CSMD1: variants seen among roughly 807,000 people sequenced by gnomAD.
The protein encoded by CSMD1 is CUB and sushi domain-containing protein 1.
In CSMD1, 213 loss-of-function variants were observed where a neutral mutation model predicts 417.5. The ratio of observed to expected loss-of-function variants is 0.51; its 90% CI spans 0.46 to 0.57. The LOEUF is 0.57. CSMD1 is among the 20% of genes least tolerant of loss of function. CSMD1 has a pLI of 0.00. For missense variants in CSMD1, 6,923 were observed against 4,529.7 expected, an observed-to-expected ratio of 1.53 and a Z score of -15.17; for synonymous variants, 2,862 against 1,736.8, an observed-to-expected ratio of 1.65 and a Z score of -16.11.
chr8:3,577,802 T>G (rs1800214284), intron 9 of CSMD1, among the ~76,000 whole-genome samples: 1 of 152,184 alleles, frequency 6.6e-6, no homozygotes, highest in African/African-American at 2.4e-5. Context: ...CGCCCCCTAT[T>G]TGGCTCGTTA....
At chr8:3,075,249 G>A (rs1031997521) in intron 49 of CSMD1, among the ~76,000 whole-genome samples, 1 of 148,322 alleles carries the variant, frequency 6.7e-6, no homozygotes, top group South Asian at 2.1e-4. Flanking sequence ...CCCAGCCTCA[G>A]GTATTTCTTT....
chr8:4,161,455 T>G (rs916939293), intron 3 of CSMD1, among the ~76,000 whole-genome samples: 1 of 152,220 alleles, frequency 6.6e-6, no homozygotes, highest in Non-Finnish European at 1.5e-5. Context: ...CTGGAATAAG[T>G]TGAATGGCTT....
At chr8:4,965,238 T>G (rs1480407736) in intron 1 of CSMD1, among the ~76,000 whole-genome samples, 3 of 152,208 alleles carry the variant, frequency 2.0e-5, no homozygotes, top group Admixed American at 6.5e-5. Flanking sequence ...TTTCAGATTT[T>G]AAAAATGTTC....
chr8:2,960,847 C>G (rs530481954), intron 62 of CSMD1, among the ~76,000 whole-genome samples: 242 of 150,514 alleles, frequency 1.6e-3, no homozygotes, highest in Non-Finnish European at 3.1e-3. Context: ...ATAATAGAAT[C>G]ATGCATGATT....
rs570950767 is a variant in CSMD1 at position 3,222,709 on chromosome 8, T to A, written c.4484+1020A>T. ...AACATTAACAAAACCCACATAGATA[T>A]CTAAAAAATATAGCCAGTGAGTGTT... On this transcript the variant is annotated intron_variant, in intron 28 of 69. Transcript: ENST00000635120. Among the ~76,000 whole-genome samples, 8 of 152,240 alleles carry A rather than the reference T, an allele frequency of 5.3e-5. No homozygotes were observed. The South Asian group carries it at 1.7e-3, about 32-fold the overall frequency.
At chr8:4,175,249 G>A (rs1046613275) in intron 3 of CSMD1, among the ~76,000 whole-genome samples, 2 of 152,104 alleles carry the variant, frequency 1.3e-5, no homozygotes, top group African/African-American at 4.8e-5. Context: ...CCAATTAAAT[G>A]AAACCATTTA....
chr8:4,718,542 G>A (rs1379655440), intron 1 of CSMD1, among the ~76,000 whole-genome samples: 2 of 151,796 alleles, frequency 1.3e-5, no homozygotes, highest in Non-Finnish European at 2.9e-5. Context: ...CTAGCTAAGG[G>A]AATTTGAAAA....
chr8:4,705,751 T>C (rs537004392), intron 1 of CSMD1, among the ~76,000 whole-genome samples: 79 of 152,288 alleles, frequency 5.2e-4, no homozygotes, highest in African/African-American at 1.3e-3. Flanking sequence ...CTAACTAATA[T>C]TTTAAAATAT....
intron 3 of CSMD1, among the ~76,000 whole-genome samples, chr8:4,410,171 G>C (rs1317569988): frequency 1.3e-5 from 2 of 152,130 alleles, no homozygotes; most frequent in Non-Finnish European, 2.9e-5. Flanking sequence ...AATGGAAGGA[G>C]AAATTAAAAG....
chr8:4,086,764 A>G (rs1368042995), intron 3 of CSMD1, among the ~76,000 whole-genome samples: 1 of 152,222 alleles, frequency 6.6e-6, no homozygotes, highest in African/African-American at 2.4e-5. Flanking sequence ...TAATTCTTAC[A>G]TCTTTTTCAA....
intron 5 of CSMD1, among the ~76,000 whole-genome samples, chr8:3,847,425 G>A (rs10100367): frequency 0.023 from 3,492 of 152,174 alleles, 135 homozygotes; most frequent in African/African-American, 0.08. Flanking sequence ...ACAGTTGGCT[G>A]CGAGCAGTGG....
chr8:3,992,449 C>T (rs1435903191), intron 5 of CSMD1, among the ~76,000 whole-genome samples: 2 of 152,226 alleles, frequency 1.3e-5, no homozygotes, highest in East Asian at 3.9e-4. Context: ...GCATAGCTTA[C>T]AACAGGTTTG....
chr8:3,103,991 C>T (rs556190319), intron 46 of CSMD1, among the ~76,000 whole-genome samples: 34 of 152,218 alleles, frequency 2.2e-4, no homozygotes, highest in African/African-American at 8.2e-4. Context: ...GATCTGCCCA[C>T]CTCGGCCTCC....
chr8:2,964,307 C>T (rs1216429303), intron 59 of CSMD1, among the ~76,000 whole-genome samples: 1 of 152,198 alleles, frequency 6.6e-6, no homozygotes, highest in Non-Finnish European at 1.5e-5. Context: ...CTTCCCTCAC[C>T]ACTCCACCTT....
At chr8:3,948,035 G>T (rs756744961) in intron 5 of CSMD1, among the ~76,000 whole-genome samples, 1 of 152,156 alleles carries the variant, frequency 6.6e-6, no homozygotes, top group Non-Finnish European at 1.5e-5. Flanking sequence ...GTAAAACCCC[G>T]TCTCTACTAA....
intron 3 of CSMD1, among the ~76,000 whole-genome samples, chr8:4,088,869 G>T (rs527462246): frequency 8.8e-4 from 134 of 152,178 alleles, no homozygotes; most frequent in African/African-American, 2.9e-3. Flanking sequence ...TGACACCGCT[G>T]TGTTCCACCC....
At chr8:3,972,677 G>A (rs958744150) in intron 5 of CSMD1, among the ~76,000 whole-genome samples, 1 of 152,226 alleles carries the variant, frequency 6.6e-6, no homozygotes, top group Non-Finnish European at 1.5e-5. Context: ...TATGACCAGT[G>A]TTAGCATGGA....
At chr8:4,724,656 A>G (rs958552305) in intron 1 of CSMD1, among the ~76,000 whole-genome samples, 1 of 152,236 alleles carries the variant, frequency 6.6e-6, no homozygotes, top group East Asian at 1.9e-4. Flanking sequence ...TCACACAGAC[A>G]TTGAATAAAC....
chr8:3,691,773 CATTT>C (rs10596286), intron 7 of CSMD1, among the ~76,000 whole-genome samples: 44,498 of 151,762 alleles, frequency 0.29, 7,380 homozygotes, highest in South Asian at 0.41. Flanking sequence ...ATTTTTTACA[CATTT>C]ATTTCTCTTT....
Sources: allele counts gnomAD v4.1 joint callset (sites outside exome capture counted in the v4.1 genomes callset), GRCh38; gene constraint gnomAD v4.1.1; transcripts MANE v1.5; gene names NCBI Gene and HGNC (gene_info 2026-07-23, HGNC 2026-07-21).